Variants in MACROD2 observed in about 807,000 individuals in gnomAD.
MACROD2 encodes the protein mono-ADP ribosylhydrolase 2, also known as ADP-ribose glycohydrolase MACROD2.
Under a neutral mutation model 70.4 loss-of-function variants are expected in MACROD2, and 36 were observed. The ratio of observed to expected loss-of-function variants is 0.51; its 90% confidence interval spans 0.39 to 0.68. The LOEUF is 0.68. MACROD2 is among the 30% of genes least tolerant of loss of function. The probability of loss-of-function intolerance (pLI) is 0.00; values close to 1 mark genes in which losing one functional copy is unlikely to be tolerated. For missense variants in MACROD2, 496 were observed against 538.4 expected, an observed-to-expected ratio of 0.92 and a Z score of 0.78; for synonymous variants, 172 against 178.8, an observed-to-expected ratio of 0.96 and a Z score of 0.30.
intron 5 of MACROD2, among the ~76,000 whole-genome samples, chr20:15,110,892 T>C (rs1225045330): frequency 3.3e-5 from 5 of 152,140 alleles, no homozygotes; most frequent in Admixed American, 6.5e-5. Flanking sequence ...GCATATACCA[T>C]TTTTCTAAGA....
intron 8 of MACROD2, among the ~76,000 whole-genome samples, chr20:15,859,675 G>C (rs978204314): frequency 6.6e-6 from 1 of 151,734 alleles, no homozygotes; most frequent in African/African-American, 2.4e-5. Flanking sequence ...GACATTTTCC[G>C]TGTTATGCCT....
At chr20:15,801,855 TG>T (rs1317625619) in intron 8 of MACROD2, among the ~76,000 whole-genome samples, 1 of 152,152 alleles carries the variant, frequency 6.6e-6, no homozygotes, top group Admixed American at 6.5e-5. Flanking sequence ...TCCCTTTGAT[TG>T]TGCCCCTTTC....
chr20:14,718,681 A>G (rs1276649568), intron 5 of MACROD2, among the ~76,000 whole-genome samples: 1 of 152,154 alleles, frequency 6.6e-6, no homozygotes, highest in Non-Finnish European at 1.5e-5. Context: ...GCAGCCTGAA[A>G]CAGTCATCCT....
chr20:15,738,647 A>G (rs150997335), intron 8 of MACROD2, among the ~76,000 whole-genome samples: 2 of 152,326 alleles, frequency 1.3e-5, no homozygotes, highest in Non-Finnish European at 1.5e-5. Flanking sequence ...TAAGCAAATG[A>G]CAGGTTGAAT....
chr20:15,749,362 C>T (rs1424755425), intron 8 of MACROD2, among the ~76,000 whole-genome samples: 20 of 152,002 alleles, frequency 1.3e-4, no homozygotes, highest in Admixed American at 1.3e-3. Flanking sequence ...CTTTATAGCA[C>T]TTGTCACTAT....
intron 5 of MACROD2, among the ~76,000 whole-genome samples, chr20:14,944,159 G>A (rs561594286): frequency 1.3e-5 from 2 of 152,080 alleles, no homozygotes; most frequent in African/African-American, 4.8e-5. Flanking sequence ...AGGTATTTTT[G>A]TGATGTTAAA....
intron 12 of MACROD2, among the ~76,000 whole-genome samples, chr20:15,958,546 A>G (rs968340931): frequency 1.3e-5 from 2 of 152,190 alleles, no homozygotes; most frequent in Non-Finnish European, 2.9e-5. Context: ...CCCATTTCCA[A>G]ATCTATTCTG....
rs920093952 is a variant in MACROD2, at chr20:15,254,548, G to A, written c.540+24487G>A. ...CATCTGTAGACTGGGGATATTAATG[G>A]CTCCTATCTCAAGCAGTTTTAAGAG... On this transcript the variant is annotated intron_variant, in intron 6 of 17. Transcript: ENST00000684519. 1.9e-4 allele frequency among the ~76,000 whole-genome samples: 29 copies of A among 151,992 alleles called. 1 individual carries two copies. The highest frequency in any genetic ancestry group is 5.8e-4 in the African/African-American group (24 of 41,378).
intron 5 of MACROD2, among the ~76,000 whole-genome samples, chr20:14,962,276 T>A (rs1180773821): frequency 6.6e-6 from 1 of 152,096 alleles, no homozygotes; most frequent in Non-Finnish European, 1.5e-5. Context: ...TACTCCTCAG[T>A]TATTTCTGTA....
At chr20:14,502,558 G>A (rs73256939) in intron 4 of MACROD2, among the ~76,000 whole-genome samples, 71 of 152,248 alleles carry the variant, frequency 4.7e-4, no homozygotes, top group African/African-American at 1.5e-3. Context: ...TACAGGTGTG[G>A]AATAACTAAT....
At chr20:16,031,166 A>G (rs1382980972) in intron 15 of MACROD2, among the ~76,000 whole-genome samples, 4 of 151,914 alleles carry the variant, frequency 2.6e-5, no homozygotes, top group Admixed American at 1.3e-4. Flanking sequence ...AAAATCATGG[A>G]AAAAAAACAA....
intron 8 of MACROD2, among the ~76,000 whole-genome samples, chr20:15,560,450 A>G (rs936376865): frequency 3.9e-5 from 6 of 152,190 alleles, no homozygotes; most frequent in African/African-American, 1.4e-4. Context: ...CCATTGAAAA[A>G]TAACCTGGAA....
intron 8 of MACROD2, among the ~76,000 whole-genome samples, chr20:15,773,108 G>T (rs1448819005): frequency 6.6e-6 from 1 of 152,104 alleles, no homozygotes; most frequent in Non-Finnish European, 1.5e-5. Flanking sequence ...TAATCAGGAG[G>T]TTGCTATTAT....
intron 5 of MACROD2, among the ~76,000 whole-genome samples, chr20:14,829,489 C>A (rs529951458): frequency 6.6e-6 from 1 of 152,110 alleles, no homozygotes; most frequent in South Asian, 2.1e-4. Context: ...GCAGTGTATT[C>A]AGGCAGCTCA....
intron 5 of MACROD2, among the ~76,000 whole-genome samples, chr20:15,028,209 T>G (rs1386434843): frequency 1.3e-5 from 2 of 152,180 alleles, no homozygotes; most frequent in Non-Finnish European, 2.9e-5. Context: ...GCCATTTCGA[T>G]AGAGAATTCT....
chr20:14,542,104 C>T (rs1330470277), intron 4 of MACROD2, among the ~76,000 whole-genome samples: 4 of 152,326 alleles, frequency 2.6e-5, no homozygotes, highest in Non-Finnish European at 4.4e-5. Flanking sequence ...TCTGCTGACG[C>T]GAGACACCTA....
At chr20:15,192,213 C>A (rs1456269632) in intron 5 of MACROD2, among the ~76,000 whole-genome samples, 1 of 152,144 alleles carries the variant, frequency 6.6e-6, no homozygotes, top group East Asian at 1.9e-4. Context: ...CTCTTCCTTT[C>A]TGTTCATAAC....
At chr20:15,063,141 A>C (rs1044826177) in intron 5 of MACROD2, among the ~76,000 whole-genome samples, 1 of 152,154 alleles carries the variant, frequency 6.6e-6, no homozygotes, top group Non-Finnish European at 1.5e-5. Context: ...TGAGTAAGGC[A>C]TGGCTCCCAG....
intron 3 of MACROD2, among the ~76,000 whole-genome samples, chr20:14,343,155 A>G (rs1274392775): frequency 1.3e-5 from 2 of 151,332 alleles, no homozygotes; most frequent in Non-Finnish European, 2.9e-5. Context: ...AGCATATAGA[A>G]CTCCAGCTGA....
Sources: allele counts gnomAD v4.1 joint callset (sites outside exome capture counted in the v4.1 genomes callset), GRCh38; gene constraint gnomAD v4.1.1; transcripts MANE v1.5; gene names NCBI Gene and HGNC (gene_info 2026-07-23, HGNC 2026-07-21).